Variants in EIF4ENIF1 observed in about 807,000 individuals in gnomAD.
EIF4ENIF1 encodes eukaryotic translation initiation factor 4E transporter.
Under a neutral mutation model 110.5 loss-of-function variants are expected in EIF4ENIF1, and 23 were observed. The ratio of observed to expected loss-of-function variants is 0.21; its 90% CI spans 0.15 to 0.29. The LOEUF (loss-of-function observed/expected upper bound fraction) is 0.29, where lower values mean the gene tolerates loss of function less well. Ranked by LOEUF, EIF4ENIF1 falls within the 10% of genes least tolerant of loss-of-function variation. The probability of loss-of-function intolerance (pLI) is 1.00; values close to 1 mark genes in which losing one functional copy is unlikely to be tolerated. For missense variants in EIF4ENIF1, 1,031 were observed against 1,221.1 expected (o/e 0.84, Z 2.32); for synonymous variants, 440 against 437.0 (o/e 1.01, Z -0.09).
rs757121539 is a variant in EIF4ENIF1 at position 31,439,816 on chromosome 22, T to C, written c.*64A>G. 1.3e-4 allele frequency: 209 copies of C among 1,581,704 alleles called. 1 individual carries two copies. Among genetic ancestry groups the C allele is most frequent in the Non-Finnish European group, 1.6e-4 (189 of 1,171,486 alleles). On this transcript the variant is annotated 3_prime_UTR_variant, in exon 19 of 19. Coordinates refer to ENST00000330125, the MANE Select transcript of EIF4ENIF1 (RefSeq NM_019843.4). The stretch of plus-strand genomic sequence containing the variant: ...TAAAAGCCCATAAACCAACCCGAGA[T>C]GAAGCAGGGTCCTGCCCAGTGTGCC...
At chr22:31,437,450 T>TTCC (rs1569055301), downstream of EIF4ENIF1, 1 of 125,010 alleles carries the variant, frequency 8.0e-6, no homozygotes, top group African/African-American at 3.1e-5. Flanking sequence ...TTTGCCTTCA[T>TTCC]CCCCCCCCCA....
At chr22:31,457,455 C>G (rs73398213) in intron 7 of EIF4ENIF1, among the ~76,000 whole-genome samples, 2,108 of 152,196 alleles carry the variant, frequency 0.014, 55 homozygotes, top group African/African-American at 0.048. Flanking sequence ...AACATCTATC[C>G]AAAAATCAGA....
At chr22:31,471,535 C>T (rs772297741) in intron 3 of EIF4ENIF1, among the ~76,000 whole-genome samples, 34 of 152,132 alleles carry the variant, frequency 2.2e-4, no homozygotes, top group Non-Finnish European at 4.1e-4. Context: ...AGGATGGTCT[C>T]GATCTCCTGA....
At chr22:31,451,664 C>T (rs1052235290) in intron 10 of EIF4ENIF1, among the ~76,000 whole-genome samples, 2 of 139,454 alleles carry the variant, frequency 1.4e-5, no homozygotes, top group African/African-American at 5.2e-5. Context: ...GTAGTGGTTA[C>T]TTTTTTTTTT....
intron 2 of EIF4ENIF1, among the ~76,000 whole-genome samples, chr22:31,486,258 G>A (rs1432520069): frequency 1.4e-5 from 2 of 142,606 alleles, no homozygotes; most frequent in Admixed American, 7.2e-5. Context: ...CGACAAGAGC[G>A]AAACTCCGTC....
At chr22:31,456,059 G>A (rs2145953574) in intron 7 of EIF4ENIF1, 72 bp from the exon 8 acceptor site, 4 of 1,512,916 alleles carry the variant, frequency 2.6e-6, no homozygotes, top group Non-Finnish European at 3.6e-6. Context: ...TCTTATGAAA[G>A]GGTCACTTAC....
chr22:31,450,407 A>G, intron 10 of EIF4ENIF1, 47 bp from the exon 11 acceptor site: 1 of 1,476,276 alleles, frequency 6.8e-7, no homozygotes, highest in Non-Finnish European at 9.5e-7. Flanking sequence ...TAACTCACTT[A>G]ACTTACAGAT....
At chr22:31,442,165 A>G in intron 16 of EIF4ENIF1, 47 bp from the exon 17 acceptor site, 2 of 1,402,370 alleles carry the variant, frequency 1.4e-6, no homozygotes, top group Non-Finnish European at 2.0e-6. Context: ...TCTCCCAAAC[A>G]CTTGTGGCCT....
At chr22:31,456,436 G>A (rs1005182003) in intron 7 of EIF4ENIF1, among the ~76,000 whole-genome samples, 1 of 151,816 alleles carries the variant, frequency 6.6e-6, no homozygotes, top group African/African-American at 2.4e-5. Flanking sequence ...TGTTAGCCAG[G>A]ATGGTCTCGA....
At chr22:31,443,191 C>A in intron 15 of EIF4ENIF1, 97 bp from the exon 16 acceptor site, 1 of 1,512,952 alleles carries the variant, frequency 6.6e-7, no homozygotes, top group South Asian at 1.3e-5. Flanking sequence ...CAAAGAGTCC[C>A]CACATTGGTA....
At position 31,447,522 on chromosome 22, in the gene EIF4ENIF1, G is replaced by C; in HGVS notation, c.1892C>G (p.Ala631Gly). 6.2e-7 allele frequency: 1 copy of C among 1,611,996 alleles called. No homozygotes were observed. The highest frequency in any genetic ancestry group is 8.5e-7 in the Non-Finnish European group (1 of 1,178,924). ...ELQQAALEGLALPHDLAVQAA... is the reference protein window; with the variant it reads ...ELQQAALEGLGLPHDLAVQAA... ...CTGTACAGCAAGGTCATGTGGCAAG[G>C]CCAGCCCTTCTAAAGCTGCCTGTTG... The change falls in exon 14 of 19, where the codon GCC becomes GGC. Residue 631 changes from alanine (A) to glycine (G), a missense_variant. Transcript: ENST00000330125.
chr22:31,465,258 G>C (rs898964045), intron 4 of EIF4ENIF1, among the ~76,000 whole-genome samples: 1 of 151,494 alleles, frequency 6.6e-6, no homozygotes, highest in African/African-American at 2.4e-5. Context: ...GGGAAGTGGA[G>C]GTTGCAGTGA....
At chr22:31,478,592 C>T (rs956893877) in intron 2 of EIF4ENIF1, among the ~76,000 whole-genome samples, 5 of 150,380 alleles carry the variant, frequency 3.3e-5, no homozygotes, top group African/African-American at 4.9e-5. Flanking sequence ...CCAAGGCGGG[C>T]GGATCACGAG....
At chr22:31,486,852 G>C (rs557159179) in intron 2 of EIF4ENIF1, among the ~76,000 whole-genome samples, 1 of 152,028 alleles carries the variant, frequency 6.6e-6, no homozygotes, top group Non-Finnish European at 1.5e-5. Flanking sequence ...AGGCCAAGGC[G>C]GGCAGATCAC....
intron 15 of EIF4ENIF1, 38 bp from the exon 16 acceptor site, chr22:31,443,132 A>T: frequency 6.2e-7 from 1 of 1,608,062 alleles, no homozygotes. Flanking sequence ...ACATTCTCTA[A>T]GTGCCGTTCT....
At chr22:31,444,834 T>C (rs3747155) in intron 14 of EIF4ENIF1, 144 bp from the exon 15 acceptor site, 14,037 of 712,530 alleles carry the variant, frequency 0.02, 588 homozygotes, top group Admixed American at 0.098. Flanking sequence ...AGGCCTAACA[T>C]ACACAAAAGC....
In EIF4ENIF1 at chr22:31,449,331, CAAAT is replaced by C. The variant is rs1345509170; in HGVS notation, c.1768+13_1768+16del. On this transcript the variant is annotated intron_variant, in intron 12 of 18. Transcript: ENST00000330125. ...GGCCATAAATTCATATTTCTTTTGA[CAAAT>C]AAGTATATTTACCAATTGGTGATGG... 4.3e-6 allele frequency: 7 copies of C among 1,609,892 alleles called. No individual in the cohort carries two copies. The highest frequency in any genetic ancestry group is 5.9e-6 in the Non-Finnish European group (7 of 1,177,904).
chr22:31,471,045 A>C (rs886447873), intron 3 of EIF4ENIF1, among the ~76,000 whole-genome samples: 2 of 151,826 alleles, frequency 1.3e-5, no homozygotes, highest in Non-Finnish European at 2.9e-5. Flanking sequence ...GAAATGACTA[A>C]GGTGGCCATA....
At chr22:31,461,806 AG>A (rs1476031125) in intron 6 of EIF4ENIF1, 1 of 152,264 alleles carries the variant, frequency 6.6e-6, no homozygotes, top group Non-Finnish European at 1.5e-5. Flanking sequence ...TGAAGAAGGT[AG>A]GCTCTGATGC....
Sources: allele counts gnomAD v4.1 joint callset (sites outside exome capture counted in the v4.1 genomes callset), GRCh38; gene constraint gnomAD v4.1.1; transcripts MANE v1.5; gene names NCBI Gene and HGNC (gene_info 2026-07-23, HGNC 2026-07-21).